ANKRD26: variants seen among roughly 807,000 people sequenced by gnomAD.
ANKRD26 encodes the protein ankyrin repeat domain-containing protein 26.
A neutral mutation model predicts 208.7 loss-of-function variants in ANKRD26; 141 were observed. The observed-to-expected ratio is 0.68, with a 90% CI of 0.59 to 0.78. ANKRD26 has a LOEUF of 0.78. ANKRD26 is among the 30% of genes least tolerant of loss of function. The probability of loss-of-function intolerance (pLI) is 0.00; values close to 1 mark genes in which losing one functional copy is unlikely to be tolerated. For missense variants in ANKRD26, 1,889 were observed against 1,938.7 expected (o/e 0.97, Z 0.48); for synonymous variants, 636 against 660.4 (o/e 0.96, Z 0.57).
At chr10:26,978,945 G>A (rs1161079822) in intron 5 of ANKRD26, among the ~76,000 whole-genome samples, 6 of 152,146 alleles carry the variant, frequency 3.9e-5, no homozygotes, top group East Asian at 1.9e-4. Context: ...CAAAAGGGCC[G>A]GGCGCGATGG....
chr10:26,964,189 A>C, the ANKRD26 span, among the ~76,000 whole-genome samples: 1 of 152,118 alleles, frequency 6.6e-6, no homozygotes, highest in East Asian at 1.9e-4. Context: ...GATTACAGGC[A>C]TGAGGCACCA....
At chr10:27,085,656 T>C (rs2056089860) in intron 5 of ANKRD26, among the ~76,000 whole-genome samples, 1 of 152,076 alleles carries the variant, frequency 6.6e-6, no homozygotes, top group African/African-American at 2.4e-5. Context: ...TACTGTTGAG[T>C]TCCCCCTTTT....
At chr10:27,009,600 G>C (rs1271197950) in intron 32 of ANKRD26, among the ~76,000 whole-genome samples, 1 of 152,106 alleles carries the variant, frequency 6.6e-6, no homozygotes, top group Non-Finnish European at 1.5e-5. Flanking sequence ...TGCCATCGAT[G>C]GTTTTTGAAA....
At chr10:27,067,417 C>A (rs2055299778) in intron 9 of ANKRD26, 131 bp from the exon 10 acceptor site, 4 of 1,070,602 alleles carry the variant, frequency 3.7e-6, no homozygotes, top group African/African-American at 1.6e-5. Flanking sequence ...AAGATGGGGG[C>A]ATAGTTTTTT....
chr10:27,052,138 C>T (rs1448336142), intron 16 of ANKRD26: 1 of 983,682 alleles, frequency 1.0e-6, no homozygotes, highest in Non-Finnish European at 1.2e-6. Context: ...TTTAAAATAA[C>T]TTTATCCTTG....
Position 27,014,646 on chromosome 10 carries a change from A to C in ANKRD26, c.4572T>G (p.Ser1524Arg). Residue 1524 changes from serine (S) to arginine (R), a missense_variant, in exon 31 of 34, where the codon AGT (serine) becomes AGG (arginine). By Grantham distance (110) the Ser-to-Arg change is moderately radical. Coordinates refer to ENST00000376087, the MANE Select transcript of ANKRD26 (RefSeq NM_014915.3). ...GATCTTTAATTCTGAGTTCCATCTG[A>C]CTTTTCATTGAAGCAAAATTATTCT... Reference protein sequence around the residue: ...FRENNFASMKSQMELRIKDLE... With the variant: ...FRENNFASMKRQMELRIKDLE... 1 of 1,613,424 alleles carries C rather than the reference A, an allele frequency of 6.2e-7. No homozygotes were observed. Among genetic ancestry groups the C allele is most frequent in the Non-Finnish European group, 8.5e-7 (1 of 1,179,820 alleles).
At chr10:27,060,292 C>A in intron 15 of ANKRD26, 53 bp downstream of exon 15, 1 of 1,429,304 alleles carries the variant, frequency 7.0e-7, no homozygotes, top group Non-Finnish European at 9.8e-7. Context: ...TCAAATATTT[C>A]AAAAATTTTA....
intron 27 of ANKRD26, 43 bp from the exon 28 acceptor site, chr10:27,024,602 A>C (rs763404709): frequency 1.7e-6 from 2 of 1,145,530 alleles, no homozygotes; most frequent in Non-Finnish European, 2.6e-6. Context: ...AACTCTGGAA[A>C]CACTTTTTTT....
intron 7 of ANKRD26, among the ~76,000 whole-genome samples, chr10:27,078,812 A>G (rs972584098): frequency 1.3e-5 from 2 of 151,844 alleles, no homozygotes; most frequent in Non-Finnish European, 2.9e-5. Flanking sequence ...ACTTTTCCCA[A>G]TATAATTTTC....
In ANKRD26 at chr10:26,986,415, C is replaced by G. The variant is rs867413045; in HGVS notation, c.490-3602G>C. Among the ~76,000 whole-genome samples the G allele has an allele frequency of 1.3e-3, 202 of 152,144 alleles. 1 individual carries two copies. The highest frequency in any genetic ancestry group is 4.7e-3 in the African/African-American group (196 of 41,524). ...CACCAAAAGCAATGGCAACAAAAGA[C>G]AAAATTGACAAATGGGATCTAATTA... On this transcript the variant is annotated intron_variant and NMD_transcript_variant, in intron 3 of 5. Transcript: ENST00000674670.
At position 27,037,867 on chromosome 10, in the gene ANKRD26, T is replaced by C; in HGVS notation, c.2559+4A>G. 1 of 1,599,368 alleles carries C rather than the reference T, an allele frequency of 6.3e-7. No individual in the cohort carries two copies. The highest frequency in any genetic ancestry group is 1.7e-5 in the Admixed American group (1 of 59,554). On this transcript the variant is annotated splice_donor_region_variant and intron_variant, in intron 22 of 33. Coordinates refer to ENST00000376087, the MANE Select transcript of ANKRD26 (RefSeq NM_014915.3). ...TATAAAATTTTTATCAAAAATTAAT[T>C]TACCTGATTCAAATTACTTTTTACA... is the stretch of plus-strand genomic sequence containing the variant.
intron 5 of ANKRD26, among the ~76,000 whole-genome samples, chr10:26,980,319 T>G (rs2134619493): frequency 6.6e-6 from 1 of 152,360 alleles, no homozygotes; most frequent in Middle Eastern, 3.4e-3. Context: ...GTTGTCATCC[T>G]ATTGGACCTT....
At chr10:27,096,190 A>C (rs11015525) in intron 1 of ANKRD26, among the ~76,000 whole-genome samples, 15,591 of 151,894 alleles carry the variant, frequency 0.1, 2,617 homozygotes, top group African/African-American at 0.35. Flanking sequence ...ATCAAGCTCT[A>C]TGAAGACAGT....
the ANKRD26 span, among the ~76,000 whole-genome samples, chr10:26,951,903 C>T: frequency 9.9e-5 from 15 of 152,228 alleles, no homozygotes; most frequent in Non-Finnish European, 1.9e-4. Context: ...AACTTGCCTG[C>T]ATGCATGACT....
At chr10:26,960,191 G>A in the ANKRD26 span, among the ~76,000 whole-genome samples, 1 of 151,916 alleles carries the variant, frequency 6.6e-6, no homozygotes, top group South Asian at 2.1e-4. Context: ...CCCTTCCATT[G>A]AATCTAGGCT....
intron 30 of ANKRD26, among the ~76,000 whole-genome samples, chr10:27,015,907 A>G (rs1055515643): frequency 6.6e-6 from 1 of 152,120 alleles, no homozygotes; most frequent in African/African-American, 2.4e-5. Context: ...TATTAAGTAG[A>G]TTTTTATCAC....
downstream of ANKRD26, among the ~76,000 whole-genome samples, chr10:26,990,485 ATATCACTGCTACC>A (rs1284876403): frequency 6.6e-6 from 1 of 152,190 alleles, no homozygotes; most frequent in African/African-American, 2.4e-5. Context: ...TGGTCCACCC[ATATCACTGCTACC>A]TGGCACAGTG....
At chr10:27,055,186 T>C (rs2054798743) in intron 15 of ANKRD26, among the ~76,000 whole-genome samples, 1 of 152,148 alleles carries the variant, frequency 6.6e-6, no homozygotes, top group African/African-American at 2.4e-5. Flanking sequence ...TTATAAAAGG[T>C]ATTAAATGAG....
chr10:26,986,324 C>G (rs1157968063), intron 3 of ANKRD26, among the ~76,000 whole-genome samples: 1 of 152,108 alleles, frequency 6.6e-6, no homozygotes, highest in African/African-American at 2.4e-5. Context: ...ACCATAAAAA[C>G]CCTAGAAGAA....
Sources: gnomAD v4.1 joint callset for allele counts (sites outside exome capture counted in the v4.1 genomes callset) on GRCh38, gnomAD v4.1.1 for gene constraint, MANE v1.5 for transcripts, NCBI Gene and HGNC (gene_info 2026-07-23, HGNC 2026-07-21) for gene names.